The following TMEM231 variants were observed in gnomAD, a reference collection of about 807,000 sequenced individuals.
TMEM231 encodes transmembrane protein 231.
TMEM231 carries 40 observed loss-of-function variants against 38.5 expected under a neutral mutation model. The observed-to-expected ratio is 1.04, with a 90% confidence interval of 0.81 to 1.35. The LOEUF (loss-of-function observed/expected upper bound fraction) is 1.35, where lower values mean the gene tolerates loss of function less well. Ranked by LOEUF, TMEM231 falls within the 40% of genes most tolerant of loss-of-function variation. The pLI is 0.00. For missense variants in TMEM231, 420 were observed against 416.9 expected (o/e 1.01, Z -0.07); for synonymous variants, 199 against 181.7 (o/e 1.10, Z -0.77).
intron 2 of TMEM231, among the ~76,000 whole-genome samples, chr16:75,551,924 T>C (rs2080766447): frequency 6.7e-6 from 1 of 149,420 alleles, no homozygotes; most frequent in African/African-American, 2.5e-5. Flanking sequence ...ATTGCGCCAC[T>C]GCACTCCAGC....
At chr16:75,546,049 G>A (rs1252787162) in intron 2 of TMEM231, 95 bp from the exon 3 acceptor site, 1 of 1,555,794 alleles carries the variant, frequency 6.4e-7, no homozygotes, top group East Asian at 2.4e-5. Context: ...CCACTGTCTT[G>A]CTGTACACAA....
In TMEM231 at chr16:75,539,875, G is replaced by C. The variant is rs1206551606; in HGVS notation, c.*119C>G. 3 of 803,968 alleles carry C rather than the reference G, an allele frequency of 3.7e-6. No individual in the cohort carries two copies. The highest frequency in any genetic ancestry group is 5.7e-6 in the Non-Finnish European group (3 of 522,072). The allele number at this position is 803,968 out of a possible 1,614,324, so 49.8% of individuals were successfully genotyped here. ...AAAACCGGAAAGAACCGTTGTCTCTGAGGGAAAAGCACACAAGCCCGCAGG... is the reference window on the plus strand; with the variant it reads ...AAAACCGGAAAGAACCGTTGTCTCTCAGGGAAAAGCACACAAGCCCGCAGG... On this transcript the variant is annotated 3_prime_UTR_variant, in exon 7 of 7. Transcript: ENST00000258173.
intron 2 of TMEM231, among the ~76,000 whole-genome samples, chr16:75,554,389 A>G (rs1407345630): frequency 6.6e-6 from 1 of 151,782 alleles, no homozygotes; most frequent in Non-Finnish European, 1.5e-5. Context: ...ACATAGTGAA[A>G]CCCCTTCTCT....
At chr16:75,548,884 A>C (rs1466742345) in intron 2 of TMEM231, among the ~76,000 whole-genome samples, 1 of 152,208 alleles carries the variant, frequency 6.6e-6, no homozygotes, top group Non-Finnish European at 1.5e-5. Flanking sequence ...ACAACAAAAA[A>C]ACCCAAAAAG....
At chr16:75,553,621 CAAAAAAAAA>C (rs60225459) in intron 2 of TMEM231, among the ~76,000 whole-genome samples, 1 of 91,626 alleles carries the variant, frequency 1.1e-5, no homozygotes, top group Non-Finnish European at 2.4e-5. Flanking sequence ...AACTCTGTTG[CAAAAAAAAA>C]AAAAAAAAAG....
At chr16:75,541,509 GA>G in intron 5 of TMEM231, 54 bp from the exon 6 acceptor site, 1 of 1,220,910 alleles carries the variant, frequency 8.2e-7, no homozygotes, top group Non-Finnish European at 1.2e-6. Context: ...TCTGGCAGTT[GA>G]AGGCTATAAA....
At position 75,536,941 on chromosome 16, in the gene TMEM231, G is replaced by T. The variant is rs1261203310; in HGVS notation, c.*3053C>A. On this transcript the variant is annotated 3_prime_UTR_variant, in exon 7 of 7. Coordinates refer to ENST00000258173, the MANE Select transcript of TMEM231 (RefSeq NM_001077418.3). The stretch of plus-strand genomic sequence containing the variant: ...GTTCGAGACCAGCCTGACCACCAGG[G>T]TGAAGCCCTGTCTCTACTAAAAACA... The T allele has an allele frequency of 1.3e-5, 2 of 152,082 alleles. No individual in the cohort carries two copies. Among genetic ancestry groups the T allele is most frequent in the Non-Finnish European group, 2.9e-5 (2 of 68,038 alleles). The allele number at this position is 152,082 out of a possible 1,614,324, so 9.4% of individuals were successfully genotyped here. A position where few individuals can be genotyped will look rare whatever the true frequency, so the allele number is the denominator to read the frequency against.
chr16:75,550,747 GC>G (rs566301089), intron 2 of TMEM231, among the ~76,000 whole-genome samples: 143 of 149,390 alleles, frequency 9.6e-4, no homozygotes, highest in Non-Finnish European at 1.8e-3. Context: ...ATGCAGTCTG[GC>G]TCTGTTGCCC....
rs780752063 is a variant in TMEM231 at position 75,556,217 on chromosome 16, G to A, written c.-8C>T. The stretch of plus-strand genomic sequence containing the variant: ...GAGCTCATAGAGCGCCATGAGCACC[G>A]CTCGCAGGCACTCCGCGAGCCGGGG... On this transcript the variant is annotated 5_prime_UTR_variant, in exon 1 of 7. Coordinates refer to ENST00000258173, the MANE Select transcript of TMEM231 (RefSeq NM_001077418.3). The A allele has an allele frequency of 3.6e-6, 5 of 1,404,112 alleles. No individual in the cohort carries two copies. Among genetic ancestry groups the A allele is most frequent in the South Asian group, 1.6e-5 (1 of 63,792 alleles). 87.0% of individuals were successfully genotyped at this position (1,404,112 alleles called of 1,614,324 possible).
chr16:75,543,051 T>A lies in TMEM231; in HGVS notation c.583-368A>T, dbSNP rs933574038. 2.6e-5 allele frequency among the ~76,000 whole-genome samples: 4 copies of A among 152,306 alleles called. No individual in the cohort carries two copies. The South Asian group carries it at 8.3e-4, about 32-fold the overall frequency. ...AAGCTATTTTTAAAATACCCCTCTTTATCTCAGCGGGAGAAAGAATTCCTT... is the reference window on the plus strand; with the variant it reads ...AAGCTATTTTTAAAATACCCCTCTTAATCTCAGCGGGAGAAAGAATTCCTT... On this transcript the variant is annotated intron_variant, in intron 4 of 6. Transcript: ENST00000258173.
chr16:75,546,505 C>T (rs923126516), intron 2 of TMEM231, among the ~76,000 whole-genome samples: 2 of 152,004 alleles, frequency 1.3e-5, no homozygotes, highest in Non-Finnish European at 2.9e-5. Context: ...TGCAGTGACG[C>T]AATCACGGCT....
Position 75,555,937 on chromosome 16 carries a change from G to T in TMEM231, c.176C>A (p.Pro59Gln), listed in dbSNP as rs774528098. 1.3e-5 allele frequency: 21 copies of T among 1,604,456 alleles called. No individual in the cohort carries two copies. Among genetic ancestry groups the T allele is most frequent in the Admixed American group, 1.0e-4 (6 of 58,842 alleles). ...CACCTGGTGTTGGAAGCGCACGGTC[G>T]GCTGCTCCTCGTAGCTGCTCCGCTT... ...WLKRSSYEEQ[P>Q]TVRFQHQVLL... Residue 59 changes from proline to glutamine, a missense_variant, in exon 2 of 7, where the codon CCG (proline) becomes CAG (glutamine). Coordinates refer to ENST00000258173, the MANE Select transcript of TMEM231 (RefSeq NM_001077418.3).
At position 75,556,127 on chromosome 16, in the gene TMEM231, A is replaced by G; in HGVS notation, c.83T>C (p.Leu28Pro). 6.3e-7 allele frequency: 1 copy of G among 1,578,594 alleles called. No homozygotes were observed. Among genetic ancestry groups the G allele is most frequent in the Non-Finnish European group, 8.6e-7 (1 of 1,164,188 alleles). The change falls in exon 1 of 7, where the codon CTG (leucine) becomes CCG (proline). Residue 28 changes from leucine to proline, a missense_variant. Physicochemically the swap from Leu to Pro is moderately conservative, Grantham distance 98. Transcript: ENST00000258173. ...GATGTACGTGAGCGCAGCGGCCAGC[A>G]GCAGGAACAGCGCGGCTTTGGAGCA... ...GLCSKAALFL[L>P]LAAALTYIPP...
intron 4 of TMEM231, among the ~76,000 whole-genome samples, chr16:75,544,181 A>T (rs2080656983): frequency 1.3e-5 from 2 of 152,268 alleles, no homozygotes; most frequent in South Asian, 4.1e-4. Context: ...CGGATGTGAT[A>T]GTATTTGAGA....
intron 4 of TMEM231, among the ~76,000 whole-genome samples, chr16:75,543,181 C>G (rs2080647577): frequency 6.6e-6 from 1 of 151,758 alleles, no homozygotes; most frequent in African/African-American, 2.4e-5. Context: ...GCCATGAGTT[C>G]AAGGCCGTAG....
In TMEM231 at chr16:75,555,870, G is replaced by A. The variant is rs371752653; in HGVS notation, c.243C>T (p.Leu81=). Reference sequence around the variant, plus strand: ...TGAAGGCGGGGAACGTGCTCCAGGCGAGGAACCCGTCGCTTTCGGGTCCGA... The same window carrying A: ...TGAAGGCGGGGAACGTGCTCCAGGCAAGGAACCCGTCGCTTTCGGGTCCGA... ...ALLGPESDGF[L]AWSTFPAFNR... The change falls in exon 2 of 7, where the codon CTC becomes CTT. Residue 81 remains leucine, a synonymous_variant. Transcript: ENST00000258173. The A allele has an allele frequency of 3.1e-5, 49 of 1,590,828 alleles. 1 individual carries two copies. In the African/African-American group the frequency reaches 4.7e-4, roughly 15 times the overall value.
chr16:75,544,101 T>C lies in TMEM231; in HGVS notation c.582+1251A>G, dbSNP rs1455171462. Among the ~76,000 whole-genome samples, 9 of 152,380 alleles carry C rather than the reference T, an allele frequency of 5.9e-5. No individual in the cohort carries two copies. The East Asian group carries it at 1.7e-3, about 29-fold the overall frequency. On this transcript the variant is annotated intron_variant, in intron 4 of 6. Transcript: ENST00000258173. ...CACTTTAAGCCCCAGTTACGTCTTC[T>C]GCAAAATGAGTTCATTATTTAAACA...
chr16:75,547,011 GA>G (rs937590828), intron 2 of TMEM231, among the ~76,000 whole-genome samples: 3 of 151,870 alleles, frequency 2.0e-5, no homozygotes, highest in Admixed American at 6.6e-5. Context: ...TGTAGGCAGT[GA>G]AAAAAAACTG....
intron 2 of TMEM231, among the ~76,000 whole-genome samples, chr16:75,552,784 C>T (rs1300640582): frequency 1.3e-5 from 2 of 152,082 alleles, no homozygotes; most frequent in East Asian, 1.9e-4. Context: ...TGCCTCCTTG[C>T]CAACAGTTGA....
Sources: allele counts gnomAD v4.1 joint callset (sites outside exome capture counted in the v4.1 genomes callset), GRCh38; gene constraint gnomAD v4.1.1; transcripts MANE v1.5; gene names NCBI Gene and HGNC (gene_info 2026-07-23, HGNC 2026-07-21).